L3MBTL1: variants seen among roughly 807,000 people sequenced by gnomAD.
L3MBTL1 encodes the protein L3MBTL histone methyl-lysine binding protein 1.
A neutral mutation model predicts 105.3 loss-of-function variants in L3MBTL1; 75 were observed. The ratio of observed to expected loss-of-function variants is 0.71; its 90% CI spans 0.59 to 0.86. L3MBTL1 has a LOEUF of 0.86. Ranked by LOEUF, L3MBTL1 falls within the 40% of genes least tolerant of loss-of-function variation. L3MBTL1 has a pLI of 0.00. For missense variants in L3MBTL1, 1,069 were observed against 1,126.4 expected (o/e 0.95, Z 0.73); for synonymous variants, 452 against 436.2 (o/e 1.04, Z -0.45).
At chr20:43,542,667 A>G (rs959836268), downstream of L3MBTL1, among the ~76,000 whole-genome samples, 2 of 151,916 alleles carry the variant, frequency 1.3e-5, no homozygotes, top group African/African-American at 4.8e-5. Flanking sequence ...CTCATACCAG[A>G]AAGTTCTTTC....
chr20:43,534,801 T>G (rs752594635), intron 15 of L3MBTL1, 27 bp from the exon 16 acceptor site: 1 of 1,556,472 alleles, frequency 6.4e-7, no homozygotes, highest in East Asian at 2.2e-5. Context: ...GAGAAACGCC[T>G]GACTTCCAAG....
At chr20:43,511,122 T>C (rs1473866894) in intron 1 of L3MBTL1, among the ~76,000 whole-genome samples, 2 of 151,840 alleles carry the variant, frequency 1.3e-5, no homozygotes, top group Non-Finnish European at 2.9e-5. Flanking sequence ...CTCGGCTCAC[T>C]GCAACCTCTA....
chr20:43,542,628 A>G (rs967093719), downstream of L3MBTL1, among the ~76,000 whole-genome samples: 2 of 151,496 alleles, frequency 1.3e-5, no homozygotes, highest in Non-Finnish European at 2.9e-5. Flanking sequence ...AAAAAAAAAA[A>G]AAGAAAAGAA....
chr20:43,531,809 C>T, intron 11 of L3MBTL1: 1 of 152,540 alleles, frequency 6.6e-6, no homozygotes, highest in South Asian at 2.1e-4. Context: ...GGGAGGATCA[C>T]TTGAGCCCAG....
At chr20:43,540,346 C>T (rs1268329248) in intron 20 of L3MBTL1, 38 bp downstream of exon 20, 2 of 1,603,722 alleles carry the variant, frequency 1.2e-6, no homozygotes, top group Non-Finnish European at 1.7e-6. Flanking sequence ...TTCTCTTCCT[C>T]TCCTCCTCCC....
In L3MBTL1 at chr20:43,515,104, G is replaced by A. The variant is rs1478588605; in HGVS notation, c.598G>A (p.Ala200Thr). 1.2e-6 allele frequency: 2 copies of A among 1,614,052 alleles called. No homozygotes were observed. The highest frequency in any genetic ancestry group is 2.7e-5 in the African/African-American group (2 of 74,930). The change falls in exon 5 of 22, where the codon GCG (alanine) becomes ACG (threonine). Residue 200 changes from alanine to threonine, a missense_variant. Ala to Thr is a moderately conservative substitution (Grantham distance 58). Transcript: ENST00000418998. ...CCAGGCGTGCGGGCCTCACCAAGCC[G>A]CGGGTCCAGATCTTGGTTCCTCTAA... ...QCQACGPHQA[A>T]GPDLGSSNDG...
chr20:43,520,932 C>T (rs1453379290), intron 7 of L3MBTL1, among the ~76,000 whole-genome samples: 1 of 152,126 alleles, frequency 6.6e-6, no homozygotes, highest in East Asian at 1.9e-4. Flanking sequence ...TTGTCCATGG[C>T]TTTCATTACA....
intron 11 of L3MBTL1, 173 bp from the exon 12 acceptor site, chr20:43,532,600 T>A (rs911854670): frequency 1.5e-6 from 1 of 650,300 alleles, no homozygotes; most frequent in Non-Finnish European, 2.6e-6. Flanking sequence ...GCCTCAGGGC[T>A]CAGGTTATGA....
intron 8 of L3MBTL1, 96 bp from the exon 9 acceptor site, chr20:43,529,168 C>A: frequency 2.5e-6 from 2 of 813,104 alleles, no homozygotes; most frequent in African/African-American, 1.7e-5. Context: ...AAATACCAGG[C>A]GGGTGGGGCC....
At chr20:43,519,808 T>G (rs2018613028) in intron 7 of L3MBTL1, among the ~76,000 whole-genome samples, 1 of 152,194 alleles carries the variant, frequency 6.6e-6, no homozygotes, top group Admixed American at 6.5e-5. Context: ...GTTTTTTGTT[T>G]TTTCTAAATG....
At chr20:43,546,034 G>T (rs957707546), downstream of L3MBTL1, among the ~76,000 whole-genome samples, 1 of 152,230 alleles carries the variant, frequency 6.6e-6, no homozygotes, top group African/African-American at 2.4e-5. Flanking sequence ...GCCCCCTGGT[G>T]GTCCTGGAAG....
At chr20:43,514,124 C>G in intron 3 of L3MBTL1, 63 bp downstream of exon 3, 1 of 1,379,024 alleles carries the variant, frequency 7.3e-7, no homozygotes, top group Non-Finnish European at 9.9e-7. Flanking sequence ...GGCTTGCAGG[C>G]CCGGAGGCTG....
At chr20:43,514,283 A>C in intron 3 of L3MBTL1, 1 of 797,494 alleles carries the variant, frequency 1.3e-6, no homozygotes, top group Non-Finnish European at 1.9e-6. Context: ...GCACTCTGGG[A>C]CTGGGCCTGT....
At chr20:43,550,552 C>T (rs1978912141) in exon 19 of L3MBTL1, 2 of 152,176 alleles carry the variant, frequency 1.3e-5, no homozygotes, top group African/African-American at 4.8e-5. Context: ...TGCACCTTGA[C>T]CTGGGAGCGC....
At position 43,548,018 on chromosome 20, in the gene L3MBTL1, C is replaced by T. The variant is rs774957386; in HGVS notation, c.2125-93C>T. 6.6e-6 allele frequency: 5 copies of T among 753,940 alleles called. No individual in the cohort carries two copies. In the South Asian group the frequency reaches 8.7e-5, roughly 13 times the overall value. 46.7% of individuals were successfully genotyped at this position (753,940 alleles called of 1,614,324 possible). ...ATCCTTTACTCCTACTCCCCTCCCC[C>T]ATTCCCCATGCACACCCCTCCCTTT... On this transcript the variant is annotated intron_variant, in intron 18 of 18. Coordinates refer to the L3MBTL1 transcript ENST00000422861.
chr20:43,514,480 T>G, intron 3 of L3MBTL1, 155 bp from the exon 4 acceptor site: 1 of 1,523,502 alleles, frequency 6.6e-7, no homozygotes. Flanking sequence ...AGGGTTTGGC[T>G]GGTGTAGCTT....
rs753204344 is a variant in L3MBTL1 at position 43,523,919 on chromosome 20, G to A, written c.863-4738G>A. Among the ~76,000 whole-genome samples the A allele has an allele frequency of 1.1e-4, 17 of 151,086 alleles. No homozygotes were observed. In the East Asian group the frequency reaches 2.1e-3, roughly 19 times the overall value. On this transcript the variant is annotated intron_variant, in intron 7 of 21. Transcript: ENST00000418998. ...CTGAGGCAGGATAATCACTTGAACC[G>A]GGGAGGCGGAGGTTGCAGTGAGCTG... is the stretch of plus-strand genomic sequence containing the variant.
intron 7 of L3MBTL1, among the ~76,000 whole-genome samples, chr20:43,517,397 T>TTTTTAA (rs1380851088): frequency 6.6e-6 from 1 of 152,116 alleles, no homozygotes; most frequent in East Asian, 1.9e-4. Flanking sequence ...CCCAGCCTTT[T>TTTTTAA]TTTTAATTTT....
chr20:43,542,013 C>G (rs2019939257), downstream of L3MBTL1: 1 of 398,934 alleles, frequency 2.5e-6, no homozygotes, highest in Non-Finnish European at 3.4e-6. Context: ...GAGTTCAAGA[C>G]CAGCCTGGCC....
Sources: gnomAD v4.1 joint callset for allele counts (sites outside exome capture counted in the v4.1 genomes callset) on GRCh38, gnomAD v4.1.1 for gene constraint, MANE v1.5 for transcripts, NCBI Gene and HGNC (gene_info 2026-07-23, HGNC 2026-07-21) for gene names.